PIP4K2A: variants seen among roughly 807,000 people sequenced by gnomAD.
PIP4K2A encodes phosphatidylinositol 5-phosphate 4-kinase type-2 alpha.
A neutral mutation model predicts 42.9 loss-of-function variants in PIP4K2A; 14 were observed. The observed-to-expected ratio is 0.33, with a 90% confidence interval of 0.22 to 0.51. The LOEUF (loss-of-function observed/expected upper bound fraction) is 0.51, where lower values mean the gene tolerates loss of function less well. Among genes scored for constraint, PIP4K2A ranks in the 20% least tolerant of loss-of-function variants. The pLI is 0.97. For synonymous variants in PIP4K2A, 192 were observed against 192.2 expected (o/e 1.00, Z 0.01); for missense variants, 434 against 519.8 (o/e 0.83, Z 1.61).
intron 4 of PIP4K2A, among the ~76,000 whole-genome samples, chr10:22,585,642 C>T (rs1414211202): frequency 6.6e-6 from 1 of 151,428 alleles, no homozygotes; most frequent in Admixed American, 6.6e-5. Flanking sequence ...AGAATCTCAC[C>T]CAGGCTGGAG....
chr10:22,542,176 CCTTCACGA>C, intron 7 of PIP4K2A, 129 bp from the exon 8 acceptor site: 3 of 705,946 alleles, frequency 4.2e-6, no homozygotes, highest in Non-Finnish European at 7.2e-6. Context: ...CCGGGTGCCT[CCTTCACGA>C]TGCTCTTACA....
At chr10:22,615,100 T>C (rs954796654) in intron 1 of PIP4K2A, among the ~76,000 whole-genome samples, 1 of 151,996 alleles carries the variant, frequency 6.6e-6, no homozygotes, top group Admixed American at 6.5e-5. Flanking sequence ...TTTATCATCA[T>C]TATTTTACAC....
chr10:22,561,017 T>C (rs1836679322), intron 6 of PIP4K2A, among the ~76,000 whole-genome samples: 1 of 152,250 alleles, frequency 6.6e-6, no homozygotes, highest in Admixed American at 6.5e-5. Context: ...TAATTACTAA[T>C]TTGATGTCAC....
chr10:22,590,425 C>T (rs910013480), intron 4 of PIP4K2A, among the ~76,000 whole-genome samples: 5 of 151,978 alleles, frequency 3.3e-5, no homozygotes, highest in East Asian at 1.9e-4. Context: ...TTGATAATAG[C>T]GATGCTATGG....
chr10:22,637,645 G>C (rs1183796350), intron 1 of PIP4K2A, among the ~76,000 whole-genome samples: 1 of 152,132 alleles, frequency 6.6e-6, no homozygotes, highest in Non-Finnish European at 1.5e-5. Context: ...GAATCATCCA[G>C]GTGGCAAACA....
chr10:22,569,155 C>G (rs552956791), intron 5 of PIP4K2A: 1 of 845,504 alleles, frequency 1.2e-6, no homozygotes, highest in African/African-American at 1.7e-5. Flanking sequence ...GAAACTTGAA[C>G]GGAAGAGACT....
At position 22,714,423 on chromosome 10, in the gene PIP4K2A, G is replaced by T. The variant is rs569325243; in HGVS notation, c.-97C>A. 2 of 821,926 alleles carry T rather than the reference G, an allele frequency of 2.4e-6. No homozygotes were observed. Among genetic ancestry groups the T allele is most frequent in the Admixed American group, 1.1e-4 (2 of 17,424 alleles). 50.9% of individuals were successfully genotyped at this position (821,926 alleles called of 1,614,324 possible). On this transcript the variant is annotated 5_prime_UTR_variant, in exon 1 of 10. Transcript: ENST00000376573. The stretch of plus-strand genomic sequence containing the variant: ...GGGGAGGCAGCCGCATCCCCCCGGC[G>T]GCGGCCCCGGCGCGCCGCGCTCCGC...
At chr10:22,656,477 C>T (rs750845587) in intron 1 of PIP4K2A, among the ~76,000 whole-genome samples, 5 of 152,258 alleles carry the variant, frequency 3.3e-5, no homozygotes, top group African/African-American at 7.2e-5. Flanking sequence ...GTGGTGAACA[C>T]GGTAAGGCTG....
intron 1 of PIP4K2A, among the ~76,000 whole-genome samples, chr10:22,697,086 C>T (rs981081149): frequency 2.6e-5 from 4 of 151,206 alleles, no homozygotes; most frequent in Admixed American, 2.6e-4. Context: ...AAGAGCTCTA[C>T]TTTTTTCCTT....
At chr10:22,704,686 G>C (rs1250767919) in intron 1 of PIP4K2A, among the ~76,000 whole-genome samples, 1 of 147,070 alleles carries the variant, frequency 6.8e-6, no homozygotes, top group African/African-American at 2.5e-5. Flanking sequence ...CAGAAAACAC[G>C]AGAAGACACT....
chr10:22,621,866 A>C (rs926003477), intron 1 of PIP4K2A, among the ~76,000 whole-genome samples: 23 of 152,234 alleles, frequency 1.5e-4, no homozygotes, highest in African/African-American at 4.6e-4. Flanking sequence ...CTGTTACACC[A>C]GAACTTTTGT....
chr10:22,641,862 G>C (rs1838789346), intron 1 of PIP4K2A, among the ~76,000 whole-genome samples: 1 of 152,118 alleles, frequency 6.6e-6, no homozygotes, highest in African/African-American at 2.4e-5. Context: ...ATATGTCTGT[G>C]ACCCTATTCT....
intron 1 of PIP4K2A, among the ~76,000 whole-genome samples, chr10:22,709,070 A>G (rs113583735): frequency 3.3e-5 from 5 of 151,260 alleles, no homozygotes; most frequent in African/African-American, 9.7e-5. Context: ...TACATGCATG[A>G]GCCACCTACC....
At chr10:22,572,610 A>G (rs1049758746) in intron 5 of PIP4K2A, among the ~76,000 whole-genome samples, 6 of 151,928 alleles carry the variant, frequency 3.9e-5, no homozygotes, top group African/African-American at 7.3e-5. Flanking sequence ...TTCTCAAAAA[A>G]AAAAGAAAAG....
chr10:22,682,451 TC>T (rs891172809), intron 1 of PIP4K2A, among the ~76,000 whole-genome samples: 1 of 152,182 alleles, frequency 6.6e-6, no homozygotes, highest in African/African-American at 2.4e-5. Context: ...ATCATGCTAT[TC>T]CTAATATAGT....
intron 7 of PIP4K2A, among the ~76,000 whole-genome samples, chr10:22,545,435 C>CA (rs1836237772): frequency 6.6e-6 from 1 of 152,242 alleles, no homozygotes; most frequent in Admixed American, 6.5e-5. Flanking sequence ...CAGCCGCACT[C>CA]ACCAGGGTGA....
At chr10:22,652,067 A>G (rs570637455) in intron 1 of PIP4K2A, among the ~76,000 whole-genome samples, 1 of 152,264 alleles carries the variant, frequency 6.6e-6, no homozygotes, top group Admixed American at 6.5e-5. Flanking sequence ...TACAGTGCTT[A>G]ATTTGTGTTG....
intron 1 of PIP4K2A, among the ~76,000 whole-genome samples, chr10:22,633,670 C>T (rs1471938721): frequency 6.6e-6 from 1 of 152,154 alleles, no homozygotes; most frequent in Non-Finnish European, 1.5e-5. Context: ...CCCGGACCGT[C>T]ATTCCTTCTC....
chr10:22,570,264 A>G (rs1268175344), intron 5 of PIP4K2A, among the ~76,000 whole-genome samples: 2 of 152,242 alleles, frequency 1.3e-5, no homozygotes, highest in Non-Finnish European at 2.9e-5. Context: ...AATTATCCCT[A>G]TTTTAACAGA....
Sources: allele counts gnomAD v4.1 joint callset (sites outside exome capture counted in the v4.1 genomes callset), GRCh38; gene constraint gnomAD v4.1.1; transcripts MANE v1.5; gene names NCBI Gene and HGNC (gene_info 2026-07-23, HGNC 2026-07-21).